The following POLR3E variants were observed in gnomAD, a reference collection of about 807,000 sequenced individuals.
POLR3E encodes RNA polymerase III subunit E, also known as DNA-directed RNA polymerase III subunit RPC5.
In POLR3E, 41 loss-of-function variants were observed where a neutral mutation model predicts 96.6. The observed-to-expected ratio is 0.42, with a 90% CI of 0.33 to 0.55. POLR3E has a LOEUF of 0.55. Ranked by LOEUF, POLR3E falls within the 20% of genes least tolerant of loss-of-function variation. The pLI, the probability that POLR3E is intolerant of heterozygous loss-of-function variation, is 0.06. For missense variants in POLR3E, 849 were observed against 952.1 expected (o/e 0.89, Z 1.43); for synonymous variants, 396 against 383.6 (o/e 1.03, Z -0.38).
chr16:22,328,763 C>T (rs1284247498), intron 19 of POLR3E, 176 bp downstream of exon 19: 2 of 604,596 alleles, frequency 3.3e-6, no homozygotes, highest in African/African-American at 1.8e-5. Context: ...CTGTATGTGC[C>T]AATAGTTTGA....
chr16:22,314,303 T>A (rs970750958), intron 8 of POLR3E, among the ~76,000 whole-genome samples, 175 bp downstream of exon 8: 6 of 152,082 alleles, frequency 3.9e-5, no homozygotes, highest in Non-Finnish European at 7.4e-5. Flanking sequence ...ATACACAAGA[T>A]GGAAGCCCTG....
In POLR3E at chr16:22,297,877, G is replaced by T. The variant is rs1050495403; in HGVS notation, c.-39+340G>T. Reference sequence around the variant, plus strand: ...CGGGTGTAGTGGCGGCTCGCGGCAGGGACTGCGTGGTGGGCGTGAGAAGGG... The same window carrying T: ...CGGGTGTAGTGGCGGCTCGCGGCAGTGACTGCGTGGTGGGCGTGAGAAGGG... On this transcript the variant is annotated intron_variant, in intron 1 of 20. Transcript: ENST00000299853. Among the ~76,000 whole-genome samples, 9 of 152,362 alleles carry T rather than the reference G, an allele frequency of 5.9e-5. No homozygotes were observed. The East Asian group carries it at 1.7e-3, about 29-fold the overall frequency.
Position 22,333,821 on chromosome 16 carries a change from T to C in POLR3E, c.*121T>C, listed in dbSNP as rs905166257. On this transcript the variant is annotated 3_prime_UTR_variant, in exon 21 of 21. Coordinates refer to ENST00000299853, the MANE Select transcript of POLR3E (RefSeq NM_018119.4). ...AAGAGGAACTGACCATCTCATGACC[T>C]GTGGCATTGCACGGTGCAGTGGACA... The C allele has an allele frequency of 3.1e-5, 22 of 720,862 alleles. No individual in the cohort carries two copies. The highest frequency in any genetic ancestry group is 5.1e-5 in the Non-Finnish European group (20 of 394,938). The allele number at this position is 720,862 out of a possible 1,614,324, so 44.7% of individuals were successfully genotyped here.
chr16:22,298,584 C>A (rs550716493), intron 1 of POLR3E, among the ~76,000 whole-genome samples: 1 of 152,146 alleles, frequency 6.6e-6, no homozygotes, highest in African/African-American at 2.4e-5. Flanking sequence ...CAGTTTTGTT[C>A]TCGGGTCCAA....
intron 6 of POLR3E, among the ~76,000 whole-genome samples, chr16:22,312,131 C>A (rs1182643729): frequency 6.6e-6 from 1 of 152,096 alleles, no homozygotes; most frequent in Non-Finnish European, 1.5e-5. Context: ...CTGCCTGGTT[C>A]TTTTTGTGGT....
intron 19 of POLR3E, 46 bp from the exon 20 acceptor site, chr16:22,332,014 T>C: frequency 6.3e-7 from 1 of 1,595,742 alleles, no homozygotes; most frequent in Non-Finnish European, 8.6e-7. Context: ...GATGTTTCTC[T>C]TTTTAGATCA....
chr16:22,318,844 C>T lies in POLR3E; in HGVS notation c.884C>T (p.Ala295Val). The change falls in exon 13 of 21, where the codon GCC becomes GTC. Residue 295 changes from alanine to valine, a missense_variant. Coordinates refer to ENST00000299853, the MANE Select transcript of POLR3E (RefSeq NM_018119.4). This position sits in a 1 kb window ranked among gnomAD's most constrained non-coding sequence, Gnocchi z 5.0. ...TCCTCAGTGAAGGTCATGCCTTTTG[C>T]CAACTTGATGAGCCTCCTGGGCCCC... ...LMKNVKVMPF[A>V]NLMSLLGPSI... 1 of 1,613,026 alleles carries T rather than the reference C, an allele frequency of 6.2e-7. No homozygotes were observed. Among genetic ancestry groups the T allele is most frequent in the Non-Finnish European group, 8.5e-7 (1 of 1,179,320 alleles).
At chr16:22,298,569 C>CA (rs2047950561) in intron 1 of POLR3E, among the ~76,000 whole-genome samples, 2 of 152,254 alleles carry the variant, frequency 1.3e-5, no homozygotes, top group South Asian at 4.1e-4. Flanking sequence ...GGATTTGAAC[C>CA]TGCACAGTTT....
At chr16:22,312,524 A>C (rs2048267146) in intron 6 of POLR3E, among the ~76,000 whole-genome samples, 1 of 152,008 alleles carries the variant, frequency 6.6e-6, no homozygotes, top group African/African-American at 2.4e-5. Flanking sequence ...AGTATGCCTT[A>C]AATGAGTGGA....
At chr16:22,305,127 C>T (rs2048107623) in intron 2 of POLR3E, 29 bp from the exon 3 acceptor site, 1 of 1,601,748 alleles carries the variant, frequency 6.2e-7, no homozygotes, top group Non-Finnish European at 8.6e-7. Flanking sequence ...GTCCAGTCTC[C>T]CGGTTAAGTC....
intron 2 of POLR3E, 139 bp from the exon 3 acceptor site, chr16:22,305,017 A>G (rs1017750168): frequency 1.4e-5 from 10 of 739,520 alleles, no homozygotes; most frequent in African/African-American, 1.2e-4. Flanking sequence ...TGCTTTTAGC[A>G]TGAGCTGAGC....
In POLR3E at chr16:22,323,987, G is replaced by T. The variant is rs368730663; in HGVS notation, c.1069-367G>T. On this transcript the variant is annotated intron_variant, in intron 14 of 20. Transcript: ENST00000299853. ...ATGGGCGGCCTCCAACCAGCCATTA[G>T]CAGCCACCACTGTGAAGTGCCGCCT... Among the ~76,000 whole-genome samples the T allele has an allele frequency of 7.2e-5, 11 of 152,292 alleles. No individual in the cohort carries two copies. In the East Asian group the frequency reaches 2.1e-3, roughly 29 times the overall value.
Position 22,333,855 on chromosome 16 carries a change from T to C in POLR3E, c.*155T>C. 1.7e-6 allele frequency: 1 copy of C among 587,296 alleles called. No individual in the cohort carries two copies. The highest frequency in any genetic ancestry group is 2.3e-5 in the South Asian group (1 of 43,828). The allele number at this position is 587,296 out of a possible 1,614,324, so 36.4% of individuals were successfully genotyped here. On this transcript the variant is annotated 3_prime_UTR_variant, in exon 21 of 21. Transcript: ENST00000299853. ...GCACGGTGCAGTGGACAGAAGGGATTATCCTCAGCCAGTCGCAGGGTCAGC... is the reference window on the plus strand; with the variant it reads ...GCACGGTGCAGTGGACAGAAGGGATCATCCTCAGCCAGTCGCAGGGTCAGC...
intron 20 of POLR3E, among the ~76,000 whole-genome samples, chr16:22,332,977 T>G (rs2048773321): frequency 6.9e-6 from 1 of 144,812 alleles, no homozygotes; most frequent in South Asian, 2.3e-4. Context: ...CTTTTTTTTT[T>G]TTTTTTTTTT....
chr16:22,325,086 C>T (rs2048550984), intron 16 of POLR3E, 119 bp from the exon 17 acceptor site: 1 of 809,096 alleles, frequency 1.2e-6, no homozygotes, highest in Non-Finnish European at 2.2e-6. Flanking sequence ...GCTGGCTGAG[C>T]TCCAAGCCTG....
At chr16:22,308,498 G>T (rs2048179868) in intron 4 of POLR3E, 3 of 511,394 alleles carry the variant, frequency 5.9e-6, no homozygotes, top group Non-Finnish European at 1.1e-5. Context: ...GGTGAACATG[G>T]AGTAGGTTTG....
rs772522490 is a variant in POLR3E, at chr16:22,316,706, C to T, written c.728+20C>T. On this transcript the variant is annotated intron_variant, in intron 10 of 20. Transcript: ENST00000299853. The stretch of plus-strand genomic sequence containing the variant: ...ACCCAGGTGGGATGGGCTGGGCCAG[C>T]ATGCAAACTGGATGCCTGCCCAGGG... 11 of 1,598,264 alleles carry T rather than the reference C, an allele frequency of 6.9e-6. No individual in the cohort carries two copies. In the South Asian group the frequency reaches 1.2e-4, roughly 18 times the overall value.
chr16:22,301,848 C>T (rs937161276), intron 1 of POLR3E, among the ~76,000 whole-genome samples: 9 of 150,870 alleles, frequency 6.0e-5, no homozygotes, highest in East Asian at 5.9e-4. Flanking sequence ...CGCTTGAACC[C>T]GGGAGGCAGA....
At chr16:22,308,791 C>T in intron 4 of POLR3E, 134 bp from the exon 5 acceptor site, 1 of 614,800 alleles carries the variant, frequency 1.6e-6, no homozygotes, top group Non-Finnish European at 2.9e-6. Flanking sequence ...AGTCCAGGGG[C>T]CCTTGGGGAC....
Sources: allele counts gnomAD v4.1 joint callset (sites outside exome capture counted in the v4.1 genomes callset), GRCh38; gene constraint gnomAD v4.1.1; non-coding constraint Gnocchi (gnomAD v3.1); transcripts MANE v1.5; gene names NCBI Gene and HGNC (gene_info 2026-07-23, HGNC 2026-07-21).